The following ATRNL1 variants were observed in gnomAD, a reference collection of about 807,000 sequenced individuals.
ATRNL1 encodes attractin-like protein 1.
A neutral mutation model predicts 182.7 loss-of-function variants in ATRNL1; 95 were observed. The observed-to-expected ratio is 0.52, with a 90% confidence interval of 0.44 to 0.62. ATRNL1 has a LOEUF of 0.62. Among genes scored for constraint, ATRNL1 ranks in the 20% least tolerant of loss-of-function variants. The pLI is 0.00. For missense variants in ATRNL1, 1,471 were observed against 1,679.5 expected (o/e 0.88, Z 2.17); for synonymous variants, 576 against 568.3 (o/e 1.01, Z -0.19).
chr10:115,665,053 T>C (rs1860921911), intron 26 of ATRNL1, among the ~76,000 whole-genome samples: 1 of 152,156 alleles, frequency 6.6e-6, no homozygotes, highest in African/African-American at 2.4e-5. Context: ...CCACTGAAAC[T>C]GAAGACCAGA....
chr10:115,618,880 C>A (rs923475020), intron 26 of ATRNL1, among the ~76,000 whole-genome samples: 1 of 152,132 alleles, frequency 6.6e-6, no homozygotes, highest in Non-Finnish European at 1.5e-5. Context: ...TGCAATGTTT[C>A]TTTGCTCTTT....
intron 24 of ATRNL1, among the ~76,000 whole-genome samples, chr10:115,504,225 A>G (rs1422557833): frequency 6.6e-6 from 1 of 152,082 alleles, no homozygotes; most frequent in Non-Finnish European, 1.5e-5. Context: ...AAGTTATTGA[A>G]CTGCCATTGC....
chr10:115,275,618 C>T (rs987298148), intron 13 of ATRNL1, among the ~76,000 whole-genome samples: 1 of 152,128 alleles, frequency 6.6e-6, no homozygotes, highest in African/African-American at 2.4e-5. Flanking sequence ...ATTCCTGTTG[C>T]ATTTATGTTT....
intron 15 of ATRNL1, among the ~76,000 whole-genome samples, chr10:115,295,386 G>A (rs1853128643): frequency 1.3e-5 from 2 of 152,312 alleles, no homozygotes; most frequent in African/African-American, 4.8e-5. Flanking sequence ...GCCTGTGGGT[G>A]TGCCTGCCAG....
intron 6 of ATRNL1, 97 bp from the exon 7 acceptor site, chr10:115,165,461 A>G (rs964021172): frequency 5.6e-6 from 3 of 536,694 alleles, no homozygotes; most frequent in Non-Finnish European, 9.5e-6. Context: ...TTTGAATTTA[A>G]TGAATACTTG....
At chr10:115,215,478 T>G (rs769621919) in intron 8 of ATRNL1, among the ~76,000 whole-genome samples, 18 of 152,152 alleles carry the variant, frequency 1.2e-4, no homozygotes, top group Non-Finnish European at 1.9e-4. Flanking sequence ...TTTCAGAGTT[T>G]AACTTCATCT....
At chr10:115,467,146 T>C (rs1449660684) in intron 22 of ATRNL1, 28 bp from the exon 23 acceptor site, 2 of 1,527,564 alleles carry the variant, frequency 1.3e-6, no homozygotes, top group Non-Finnish European at 1.8e-6. Flanking sequence ...TTTTCGTTTT[T>C]TAACCTTAAT....
chr10:115,508,162 A>T (rs12783715), intron 24 of ATRNL1, among the ~76,000 whole-genome samples: 24,982 of 151,900 alleles, frequency 0.16, 2,586 homozygotes, highest in South Asian at 0.25. Flanking sequence ...GCAATTTGTG[A>T]TCAGTGCTCC....
At chr10:115,716,714 G>A (rs947047696) in intron 26 of ATRNL1, among the ~76,000 whole-genome samples, 3 of 152,126 alleles carry the variant, frequency 2.0e-5, no homozygotes, top group African/African-American at 7.2e-5. Context: ...ACAAGCAGAA[G>A]TCAGTGTGTC....
rs1318681156 is a variant in ATRNL1, at chr10:115,315,385, G to C, written c.2819-133G>C. ...TAATTGCTGTCTCTTAAGTATTATT[G>C]CAAAAATGTTTGCATTAACTATAGA... On this transcript the variant is annotated intron_variant, in intron 17 of 28. Transcript: ENST00000355044. 5.0e-6 allele frequency: 3 copies of C among 602,478 alleles called. No individual in the cohort carries two copies. The African/African-American group carries it at 5.5e-5, about 11-fold the overall frequency. The allele number at this position is 602,478 out of a possible 1,614,324, so 37.3% of individuals were successfully genotyped here.
At chr10:115,301,760 G>A in intron 16 of ATRNL1, 95 bp from the exon 17 acceptor site, 1 of 1,072,360 alleles carries the variant, frequency 9.3e-7, no homozygotes, top group Non-Finnish European at 1.2e-6. Flanking sequence ...TGGCTTAATT[G>A]AAACATGCCC....
At chr10:115,717,548 C>CTTTTTTTTGT (rs1947291965) in intron 26 of ATRNL1, among the ~76,000 whole-genome samples, 1 of 84,350 alleles carries the variant, frequency 1.2e-5, no homozygotes, top group Non-Finnish European at 2.2e-5. Context: ...CTGAAATGTT[C>CTTTTTTTTGT]TTTTTTTTTT....
intron 9 of ATRNL1, among the ~76,000 whole-genome samples, chr10:115,237,922 G>C (rs1328963591): frequency 6.6e-6 from 1 of 152,264 alleles, no homozygotes. Context: ...TGTAAGGTCT[G>C]TATCTAGATG....
intron 27 of ATRNL1, among the ~76,000 whole-genome samples, chr10:115,816,466 C>T (rs560080348): frequency 1.3e-5 from 2 of 152,094 alleles, no homozygotes; most frequent in Admixed American, 6.6e-5. Context: ...GATTTAACAT[C>T]GTTAGTAATG....
intron 26 of ATRNL1, among the ~76,000 whole-genome samples, chr10:115,665,715 G>A (rs1444072041): frequency 1.3e-5 from 2 of 152,138 alleles, no homozygotes; most frequent in African/African-American, 2.4e-5. Context: ...TTGAGTCACA[G>A]TTTGACCACT....
Position 115,161,572 on chromosome 10 carries a change from A to T in ATRNL1, c.1004+1358A>T, listed in dbSNP as rs150106267. On this transcript the variant is annotated intron_variant, in intron 6 of 28. Transcript: ENST00000355044. ...ACATTGTCAACAAGGAAGTTTGTAA[A>T]TTTTAAGTTCATGTTCTTTGCAAGA... Among the ~76,000 whole-genome samples the T allele has an allele frequency of 2.0e-4, 30 of 152,156 alleles. No homozygotes were observed. In the East Asian group the frequency reaches 4.2e-3, roughly 22 times the overall value.
chr10:115,153,969 C>G (rs1223669894), intron 5 of ATRNL1, among the ~76,000 whole-genome samples: 1 of 151,042 alleles, frequency 6.6e-6, no homozygotes, highest in African/African-American at 2.4e-5. Flanking sequence ...CGTTATGTAC[C>G]CAGTAGTCAT....
At chr10:115,942,681 G>A (rs1397281218) in intron 28 of ATRNL1, among the ~76,000 whole-genome samples, 1 of 152,210 alleles carries the variant, frequency 6.6e-6, no homozygotes, top group African/African-American at 2.4e-5. Flanking sequence ...CTTCCTCTAA[G>A]AGCAACATGT....
intron 15 of ATRNL1, among the ~76,000 whole-genome samples, chr10:115,295,850 G>A (rs1406456047): frequency 1.3e-5 from 2 of 152,106 alleles, no homozygotes; most frequent in Non-Finnish European, 2.9e-5. Context: ...TCAGCCGCCT[G>A]TGTGGGCTTG....
Sources: allele counts gnomAD v4.1 joint callset (sites outside exome capture counted in the v4.1 genomes callset), GRCh38; gene constraint gnomAD v4.1.1; transcripts MANE v1.5; gene names NCBI Gene and HGNC (gene_info 2026-07-23, HGNC 2026-07-21).